The following IGF2BP3 variants were observed in gnomAD, a reference collection of about 807,000 sequenced individuals.
The protein encoded by IGF2BP3 is insulin-like growth factor 2 mRNA-binding protein 3.
Under a neutral mutation model 73.8 loss-of-function variants are expected in IGF2BP3, and 9 were observed. The observed-to-expected ratio is 0.12, with a 90% confidence interval of 0.07 to 0.21. The LOEUF is 0.21. IGF2BP3 is among the 10% of genes least tolerant of loss of function. The pLI, the probability that IGF2BP3 is intolerant of heterozygous loss-of-function variation, is 1.00. For missense variants in IGF2BP3, 542 were observed against 714.0 expected, an observed-to-expected ratio of 0.76 and a Z score of 2.75; for synonymous variants, 258 against 256.7, an observed-to-expected ratio of 1.01 and a Z score of -0.05.
At chr7:23,367,956 C>T (rs1785427794) in intron 3 of IGF2BP3, among the ~76,000 whole-genome samples, 1 of 151,974 alleles carries the variant, frequency 6.6e-6, no homozygotes, top group Non-Finnish European at 1.5e-5. Context: ...GCTGAGATTG[C>T]ACCACTGCAC....
At chr7:23,316,430 C>T (rs1389472913) in intron 12 of IGF2BP3, among the ~76,000 whole-genome samples, 1 of 151,996 alleles carries the variant, frequency 6.6e-6, no homozygotes, top group African/African-American at 2.4e-5. Flanking sequence ...GCCTGTAATC[C>T]CAGCACTTTG....
At chr7:23,350,201 G>A (rs1057242847) in intron 6 of IGF2BP3, among the ~76,000 whole-genome samples, 1 of 152,120 alleles carries the variant, frequency 6.6e-6, no homozygotes, top group African/African-American at 2.4e-5. Flanking sequence ...GTCCTCTTAG[G>A]CCTGCTGGAA....
At chr7:23,384,095 C>CAAAA (rs35378177) in intron 3 of IGF2BP3, among the ~76,000 whole-genome samples, 5 of 62,490 alleles carry the variant, frequency 8.0e-5, no homozygotes, top group African/African-American at 1.4e-4. Context: ...GACTCCATCT[C>CAAAA]AAAAAAAAAA....
chr7:23,419,074 T>C (rs1787272823), intron 2 of IGF2BP3, among the ~76,000 whole-genome samples: 2 of 152,238 alleles, frequency 1.3e-5, no homozygotes, highest in East Asian at 1.9e-4. Flanking sequence ...AATTGGCAGA[T>C]AGAATGTTTA....
At chr7:23,467,974 C>T (rs1788607709) in intron 2 of IGF2BP3, 1 of 160,574 alleles carries the variant, frequency 6.2e-6, no homozygotes, top group African/African-American at 2.4e-5. Flanking sequence ...TTTACGCACG[C>T]GTTCCAATAC....
chr7:23,436,655 T>A (rs1787813872), intron 2 of IGF2BP3, among the ~76,000 whole-genome samples: 1 of 152,204 alleles, frequency 6.6e-6, no homozygotes, highest in South Asian at 2.1e-4. Context: ...AAAGAGATGT[T>A]AAATACTTTC....
At chr7:23,375,377 T>C (rs1320875865) in intron 3 of IGF2BP3, among the ~76,000 whole-genome samples, 1 of 152,006 alleles carries the variant, frequency 6.6e-6, no homozygotes, top group Non-Finnish European at 1.5e-5. Context: ...CCTTCAGGCA[T>C]AGGGTCCCCC....
chr7:23,460,451 G>A (rs1788422928), intron 2 of IGF2BP3, among the ~76,000 whole-genome samples: 3 of 151,380 alleles, frequency 2.0e-5, no homozygotes, highest in Admixed American at 2.0e-4. Flanking sequence ...AGAATCACTT[G>A]AACTCAGGAG....
chr7:23,436,966 A>G (rs577077879), intron 2 of IGF2BP3, among the ~76,000 whole-genome samples: 2 of 152,160 alleles, frequency 1.3e-5, no homozygotes, highest in Admixed American at 6.5e-5. Flanking sequence ...AAATACAAAA[A>G]TTAGCCAGGC....
At chr7:23,398,472 C>T (rs1786551847) in intron 3 of IGF2BP3, among the ~76,000 whole-genome samples, 1 of 152,076 alleles carries the variant, frequency 6.6e-6, no homozygotes, top group Non-Finnish European at 1.5e-5. Context: ...GTTCTAGATC[C>T]CTGAGGAATC....
At chr7:23,396,272 G>A (rs1786459911) in intron 3 of IGF2BP3, among the ~76,000 whole-genome samples, 1 of 152,094 alleles carries the variant, frequency 6.6e-6, no homozygotes, top group African/African-American at 2.4e-5. Context: ...GGGGCAGGGA[G>A]GGGTGCACAC....
At chr7:23,338,193 T>C (rs1583904408) in intron 10 of IGF2BP3, among the ~76,000 whole-genome samples, 1 of 151,564 alleles carries the variant, frequency 6.6e-6, no homozygotes, top group African/African-American at 2.4e-5. Context: ...AAGAGGTGAG[T>C]TTTTTTTCAC....
rs571810653 is a variant in IGF2BP3, at chr7:23,315,524, G to C, written c.1396-1871C>G. On this transcript the variant is annotated intron_variant, in intron 12 of 14. Transcript: ENST00000258729. ...TACAGCAAAGCAGAAAGGAGCCTGAGAGTTGGTTTGACAAGCTGCCAGGGT... is the reference window on the plus strand; with the variant it reads ...TACAGCAAAGCAGAAAGGAGCCTGACAGTTGGTTTGACAAGCTGCCAGGGT... Among the ~76,000 whole-genome samples, 10 of 152,314 alleles carry C rather than the reference G, an allele frequency of 6.6e-5. No homozygotes were observed. In the South Asian group the frequency reaches 2.1e-3, roughly 32 times the overall value.
At chr7:23,449,963 A>C (rs1023270107) in intron 2 of IGF2BP3, among the ~76,000 whole-genome samples, 1 of 152,176 alleles carries the variant, frequency 6.6e-6, no homozygotes, top group Non-Finnish European at 1.5e-5. Context: ...CCAAGAAGTT[A>C]AGACTATTTT....
chr7:23,396,755 C>T (rs1786487922), intron 3 of IGF2BP3, among the ~76,000 whole-genome samples: 1 of 151,994 alleles, frequency 6.6e-6, no homozygotes, highest in Non-Finnish European at 1.5e-5. Flanking sequence ...TGCAAAAAGT[C>T]CTGAAGCTAA....
chr7:23,361,827 A>G, intron 3 of IGF2BP3, 86 bp from the exon 4 acceptor site: 2 of 1,235,460 alleles, frequency 1.6e-6, no homozygotes, highest in Non-Finnish European at 2.3e-6. Context: ...ATCACTAAGT[A>G]ATTGTGATGG....
chr7:23,354,242 C>T (rs908056338), intron 5 of IGF2BP3, among the ~76,000 whole-genome samples: 5 of 152,324 alleles, frequency 3.3e-5, no homozygotes, highest in East Asian at 1.9e-4. Context: ...ATCCACCCAC[C>T]TCGGCCTCCC....
Position 23,353,525 on chromosome 7 carries a change from C to T in IGF2BP3, c.402-1939G>A, listed in dbSNP as rs528195551. 2.0e-5 allele frequency among the ~76,000 whole-genome samples: 3 copies of T among 152,334 alleles called. No individual in the cohort carries two copies. The South Asian group carries it at 6.2e-4, about 32-fold the overall frequency. On this transcript the variant is annotated intron_variant, in intron 5 of 14. Coordinates refer to ENST00000258729, the MANE Select transcript of IGF2BP3 (RefSeq NM_006547.3). ...TGCTCTGGCACCGTCACCAACCCTC[C>T]AAGGCCCTTCCCAGAACTGCTGCTC... is the stretch of plus-strand genomic sequence containing the variant.
intron 5 of IGF2BP3, among the ~76,000 whole-genome samples, chr7:23,360,497 G>A (rs1293662762): frequency 2.6e-5 from 4 of 152,224 alleles, no homozygotes; most frequent in African/African-American, 9.7e-5. Flanking sequence ...ATAATACTGG[G>A]AGGAAGATTT....
Sources: gnomAD v4.1 joint callset for allele counts (sites outside exome capture counted in the v4.1 genomes callset) on GRCh38, gnomAD v4.1.1 for gene constraint, MANE v1.5 for transcripts, NCBI Gene and HGNC (gene_info 2026-07-23, HGNC 2026-07-21) for gene names.